The following AKT3 variants were observed in gnomAD, a reference collection of about 807,000 sequenced individuals.
The protein encoded by AKT3 is AKT serine/threonine kinase 3.
A neutral mutation model predicts 65.3 loss-of-function variants in AKT3; 15 were observed. That is an observed-to-expected ratio of 0.23 (90% CI 0.15 to 0.35). The LOEUF is 0.35. AKT3 is among the 10% of genes least tolerant of loss of function. AKT3 has a pLI of 1.00. For synonymous variants in AKT3, 206 were observed against 183.8 expected (o/e 1.12, Z -0.98); for missense variants, 243 against 576.5 (o/e 0.42, Z 5.92).
intron 2 of AKT3, among the ~76,000 whole-genome samples, chr1:243,776,833 T>TA (rs911238089): frequency 3.9e-5 from 6 of 152,030 alleles, no homozygotes; most frequent in African/African-American, 1.4e-4. Flanking sequence ...CTAAGTGCAA[T>TA]AAAAAAAGAT....
At chr1:243,639,207 C>T (rs1262259052) in intron 5 of AKT3, among the ~76,000 whole-genome samples, 1 of 152,100 alleles carries the variant, frequency 6.6e-6, no homozygotes, top group East Asian at 1.9e-4. Context: ...TTGATAACCC[C>T]ATATTTATTA....
chr1:243,705,801 T>C (rs1685762770), intron 2 of AKT3, among the ~76,000 whole-genome samples: 2 of 152,084 alleles, frequency 1.3e-5, no homozygotes, highest in African/African-American at 2.4e-5. Flanking sequence ...GTGAGCTAAG[T>C]TATTATTTTG....
At chr1:243,613,884 A>T in intron 7 of AKT3, 145 bp from the exon 8 acceptor site, 1 of 463,504 alleles carries the variant, frequency 2.2e-6, no homozygotes, top group Non-Finnish European at 3.7e-6. Flanking sequence ...ACTACTTAAA[A>T]GTGCTTAAGA....
chr1:243,679,735 T>G (rs1434934477), intron 3 of AKT3, among the ~76,000 whole-genome samples: 1 of 152,192 alleles, frequency 6.6e-6, no homozygotes, highest in Admixed American at 6.6e-5. Context: ...TATTCAGGCT[T>G]GTCAGTCTAA....
At chr1:243,584,518 A>C (rs1268856904) in intron 8 of AKT3, among the ~76,000 whole-genome samples, 1 of 152,218 alleles carries the variant, frequency 6.6e-6, no homozygotes, top group African/African-American at 2.4e-5. Context: ...ATCCCTGATG[A>C]ACACAGGTGC....
intron 13 of AKT3, among the ~76,000 whole-genome samples, chr1:243,509,499 C>A (rs944594324): frequency 2.6e-5 from 4 of 152,142 alleles, no homozygotes; most frequent in African/African-American, 9.7e-5. Flanking sequence ...ACTGACTAGC[C>A]TAAGAGTCAT....
intron 3 of AKT3, among the ~76,000 whole-genome samples, chr1:243,685,241 G>C (rs923879291): frequency 1.3e-5 from 2 of 152,124 alleles, no homozygotes; most frequent in Admixed American, 6.5e-5. Flanking sequence ...CCTATGTCCT[G>C]AATATTATTG....
chr1:243,675,497 A>G (rs1683446388), intron 3 of AKT3, among the ~76,000 whole-genome samples: 1 of 152,176 alleles, frequency 6.6e-6, no homozygotes, highest in Non-Finnish European at 1.5e-5. Flanking sequence ...CACTACATCC[A>G]GCCTCAAAGT....
chr1:243,732,527 T>C (rs1229698657), intron 2 of AKT3, among the ~76,000 whole-genome samples: 1 of 152,240 alleles, frequency 6.6e-6, no homozygotes, highest in Non-Finnish European at 1.5e-5. Context: ...AGTTGTTATA[T>C]AACACACTGG....
intron 2 of AKT3, among the ~76,000 whole-genome samples, chr1:243,807,385 T>C (rs1692806259): frequency 6.6e-6 from 1 of 152,182 alleles, no homozygotes. Context: ...CAGGAGATTA[T>C]ATCCCATGCC....
At position 243,502,132 on chromosome 1, in the gene AKT3, T is replaced by C. The variant is rs936221260; in HGVS notation, c.*3117A>G. On this transcript the variant is annotated 3_prime_UTR_variant, in exon 14 of 14. Coordinates refer to ENST00000673466, the MANE Select transcript of AKT3 (RefSeq NM_005465.7). ...TTTTTATTTAAATAAATACTTTACA[T>C]TTCATGCTTGCCTGTAATGCACTAC... 1 of 231,854 alleles carries C rather than the reference T, an allele frequency of 4.3e-6. No homozygotes were observed. Among genetic ancestry groups the C allele is most frequent in the Non-Finnish European group, 8.5e-6 (1 of 117,318 alleles). The allele number at this position is 231,854 out of a possible 1,614,324, so 14.4% of individuals were successfully genotyped here. A position where few individuals can be genotyped will look rare whatever the true frequency, so the allele number is the denominator to read the frequency against.
intron 8 of AKT3, among the ~76,000 whole-genome samples, chr1:243,605,853 C>T (rs1677365298): frequency 6.6e-6 from 1 of 152,164 alleles, no homozygotes; most frequent in African/African-American, 2.4e-5. Context: ...TTCCCATAAT[C>T]CCAATGTGTT....
At chr1:243,639,404 T>C (rs1299627210) in intron 5 of AKT3, among the ~76,000 whole-genome samples, 1 of 152,116 alleles carries the variant, frequency 6.6e-6, no homozygotes, top group Non-Finnish European at 1.5e-5. Context: ...GATACTGAGA[T>C]AGGAGTTTGG....
chr1:243,617,728 T>TA (rs1381903096), intron 6 of AKT3, among the ~76,000 whole-genome samples: 1 of 152,136 alleles, frequency 6.6e-6, no homozygotes, highest in African/African-American at 2.4e-5. Context: ...TGTGAAAGTC[T>TA]ACTCACGTTC....
intron 2 of AKT3, among the ~76,000 whole-genome samples, chr1:243,841,143 T>C (rs919341868): frequency 2.0e-5 from 3 of 151,436 alleles, no homozygotes; most frequent in Admixed American, 1.3e-4. Flanking sequence ...AATAAACACA[T>C]ACACATTATT....
At chr1:243,771,631 T>C (rs569105154) in intron 2 of AKT3, among the ~76,000 whole-genome samples, 2 of 152,290 alleles carry the variant, frequency 1.3e-5, no homozygotes, top group East Asian at 3.9e-4. Context: ...GAACTGAATA[T>C]TGTAGTTGTC....
chr1:243,565,818 T>C (rs1297153373), intron 9 of AKT3, among the ~76,000 whole-genome samples: 2 of 152,174 alleles, frequency 1.3e-5, no homozygotes, highest in Non-Finnish European at 2.9e-5. Flanking sequence ...AAAGCTTCTG[T>C]TGTTTTACTG....
chr1:243,522,578 T>C (rs1452541204), intron 12 of AKT3, among the ~76,000 whole-genome samples: 1 of 151,862 alleles, frequency 6.6e-6, no homozygotes, highest in African/African-American at 2.4e-5. Context: ...AGGTTGAGGG[T>C]GAAGTGAGCT....
intron 2 of AKT3, among the ~76,000 whole-genome samples, chr1:243,744,122 T>C (rs55774070): frequency 0.039 from 5,948 of 152,114 alleles, 167 homozygotes; most frequent in Middle Eastern, 0.088. Flanking sequence ...GCAGTGGAAA[T>C]ATAATACAGC....
Sources: allele counts gnomAD v4.1 joint callset (sites outside exome capture counted in the v4.1 genomes callset), GRCh38; gene constraint gnomAD v4.1.1; transcripts MANE v1.5; gene names NCBI Gene and HGNC (gene_info 2026-07-23, HGNC 2026-07-21).